The following TAX1BP1 variants were observed in gnomAD, a reference collection of about 807,000 sequenced individuals.
The protein encoded by TAX1BP1 is tax1-binding protein 1.
A neutral mutation model predicts 97.7 loss-of-function variants in TAX1BP1; 62 were observed. The observed-to-expected ratio is 0.63, with a 90% CI of 0.52 to 0.78. TAX1BP1 has a LOEUF of 0.78. TAX1BP1 is among the 30% of genes least tolerant of loss of function. TAX1BP1 has a pLI of 0.00. For synonymous variants in TAX1BP1, 340 were observed against 304.2 expected (o/e 1.12, Z -1.23); for missense variants, 867 against 916.1 (o/e 0.95, Z 0.69).
rs922831318 is a variant in TAX1BP1, at chr7:27,761,329, C to T, written c.265+3196C>T. Among the ~76,000 whole-genome samples the T allele has an allele frequency of 2.2e-4, 33 of 152,112 alleles. 1 individual carries two copies. The highest frequency in any genetic ancestry group is 7.2e-4 in the African/African-American group (30 of 41,418). Reference sequence around the variant, plus strand: ...TATAATTGATGGACCAATATTAATACACTATTATTGTCTGAGTTCATAGTT... The same window carrying T: ...TATAATTGATGGACCAATATTAATATACTATTATTGTCTGAGTTCATAGTT... On this transcript the variant is annotated intron_variant, in intron 3 of 16. Transcript: ENST00000396319.
chr7:27,768,196 T>C (rs1466682081), intron 4 of TAX1BP1, among the ~76,000 whole-genome samples: 1 of 152,000 alleles, frequency 6.6e-6, no homozygotes. Flanking sequence ...AGGAGTGAAG[T>C]GTCTGCAATT....
At chr7:27,740,004 G>C (rs1370421091), upstream of TAX1BP1, 1 of 152,274 alleles carries the variant, frequency 6.6e-6, no homozygotes, top group Admixed American at 6.5e-5. Context: ...AGTAAGGAGA[G>C]AGCCAGCCTA....
intron 15 of TAX1BP1, among the ~76,000 whole-genome samples, chr7:27,826,672 G>C (rs911757511): frequency 5.3e-5 from 8 of 152,224 alleles, no homozygotes; most frequent in Non-Finnish European, 4.4e-5. Context: ...GGCTGTTGAT[G>C]TAGCACGTAC....
chr7:27,740,833 G>A (rs994712918), intron 1 of TAX1BP1, among the ~76,000 whole-genome samples: 1 of 152,208 alleles, frequency 6.6e-6, no homozygotes, highest in African/African-American at 2.4e-5. Flanking sequence ...TGAGGGCCGC[G>A]GGCGGAGTTG....
chr7:27,809,986 C>G (rs1799713557), intron 13 of TAX1BP1, among the ~76,000 whole-genome samples: 1 of 151,990 alleles, frequency 6.6e-6, no homozygotes, highest in Non-Finnish European at 1.5e-5. Context: ...TGGCTCACTG[C>G]AACCTCTGCC....
intron 5 of TAX1BP1, among the ~76,000 whole-genome samples, chr7:27,776,118 A>G (rs1223464879): frequency 6.6e-6 from 1 of 152,168 alleles, no homozygotes; most frequent in African/African-American, 2.4e-5. Context: ...AAATTCTAGT[A>G]ATGTAAATTA....
chr7:27,811,116 C>T (rs889880796), intron 13 of TAX1BP1, among the ~76,000 whole-genome samples: 7 of 152,238 alleles, frequency 4.6e-5, no homozygotes, highest in African/African-American at 1.7e-4. Context: ...ATCTCTAGTT[C>T]CTAGTACGGC....
chr7:27,807,657 T>C (rs1463794969), intron 13 of TAX1BP1, among the ~76,000 whole-genome samples: 2 of 152,190 alleles, frequency 1.3e-5, no homozygotes, highest in Admixed American at 1.3e-4. Context: ...ATATTTTCCC[T>C]TTGTAATTAA....
chr7:27,775,093 G>A (rs1190332813), intron 5 of TAX1BP1, among the ~76,000 whole-genome samples: 2 of 152,068 alleles, frequency 1.3e-5, no homozygotes, highest in Non-Finnish European at 2.9e-5. Context: ...AAGATTTTGG[G>A]AAGCCTTTAA....
intron 11 of TAX1BP1, among the ~76,000 whole-genome samples, chr7:27,795,596 A>G (rs1050749740): frequency 6.6e-6 from 1 of 152,194 alleles, no homozygotes; most frequent in East Asian, 1.9e-4. Context: ...TCTGTCCCCC[A>G]GGCTGGAGTG....
intron 16 of TAX1BP1, 94 bp downstream of exon 16, chr7:27,827,914 A>G: frequency 9.2e-7 from 1 of 1,086,602 alleles, no homozygotes; most frequent in Non-Finnish European, 1.4e-6. Flanking sequence ...GCACATGTGT[A>G]GGGCCTGGCC....
At chr7:27,801,449 ATTAT>A (rs939261478) in intron 13 of TAX1BP1, among the ~76,000 whole-genome samples, 3 of 152,106 alleles carry the variant, frequency 2.0e-5, no homozygotes, top group Non-Finnish European at 2.9e-5. Flanking sequence ...ACCTTCCTTA[ATTAT>A]TTATTAAGTG....
Position 27,796,364 on chromosome 7 carries a change from A to G in TAX1BP1, c.1638+145A>G, listed in dbSNP as rs116930586. 3.3e-3 allele frequency: 2,142 copies of G among 641,614 alleles called. 5 individuals carry two copies. The highest frequency in any genetic ancestry group is 4.4e-3 in the Non-Finnish European group (1,701 of 389,424). The allele number at this position is 641,614 out of a possible 1,614,324, so 39.7% of individuals were successfully genotyped here. A position where few individuals can be genotyped will look rare whatever the true frequency, so the allele number is the denominator to read the frequency against. On this transcript the variant is annotated intron_variant, in intron 12 of 16. Transcript: ENST00000396319. ...TAGTTTCACTTTGGCTTTTGGGATG[A>G]TGAGGTGGGCGTTTTGTGTACCTGT... is the stretch of plus-strand genomic sequence containing the variant.
At chr7:27,770,352 G>A (rs576442359) in intron 5 of TAX1BP1, among the ~76,000 whole-genome samples, 99 of 152,138 alleles carry the variant, frequency 6.5e-4, no homozygotes, top group African/African-American at 2.4e-3. Context: ...GTACAATGAA[G>A]CAGAAAACAT....
At chr7:27,814,606 TATTG>T (rs1790691816) in intron 13 of TAX1BP1, among the ~76,000 whole-genome samples, 1 of 152,238 alleles carries the variant, frequency 6.6e-6, no homozygotes, top group African/African-American at 2.4e-5. Flanking sequence ...ACATTTTATC[TATTG>T]ATTTTACTCT....
intron 15 of TAX1BP1, 26 bp downstream of exon 15, chr7:27,817,064 C>G: frequency 6.3e-7 from 1 of 1,588,264 alleles, no homozygotes; most frequent in African/African-American, 1.4e-5. Flanking sequence ...ATTGTGTGAG[C>G]CTGTCCCTTT....
chr7:27,793,025 C>CA (rs1281897857), intron 9 of TAX1BP1, 41 bp from the exon 10 acceptor site: 2 of 1,540,254 alleles, frequency 1.3e-6, no homozygotes, highest in African/African-American at 2.8e-5. Flanking sequence ...TAGGAGGTAT[C>CA]AGATTTTTAT....
At chr7:27,745,101 T>A (rs1390778294) in intron 1 of TAX1BP1, among the ~76,000 whole-genome samples, 1 of 152,196 alleles carries the variant, frequency 6.6e-6, no homozygotes, top group African/African-American at 2.4e-5. Context: ...CTTACTATAC[T>A]CCTGTTTGTA....
At chr7:27,793,357 C>G (rs575631353) in intron 10 of TAX1BP1, 145 bp downstream of exon 10, 4 of 769,512 alleles carry the variant, frequency 5.2e-6, no homozygotes, top group Non-Finnish European at 7.6e-6. Context: ...ATTGTAATAA[C>G]TCTTCTTTAA....
Sources: gnomAD v4.1 joint callset for allele counts (sites outside exome capture counted in the v4.1 genomes callset) on GRCh38, gnomAD v4.1.1 for gene constraint, MANE v1.5 for transcripts, NCBI Gene and HGNC (gene_info 2026-07-23, HGNC 2026-07-21) for gene names.